Variants in KCNT2 observed in about 807,000 individuals in gnomAD.
The protein encoded by KCNT2 is potassium channel subfamily T member 2.
A neutral mutation model predicts 153.8 loss-of-function variants in KCNT2; 67 were observed. That is an observed-to-expected ratio of 0.44 (90% CI 0.36 to 0.53). The LOEUF is 0.53. KCNT2 is among the 20% of genes least tolerant of loss of function. The probability of loss-of-function intolerance (pLI) is 0.00; values close to 1 mark genes in which losing one functional copy is unlikely to be tolerated. For synonymous variants in KCNT2, 500 were observed against 458.8 expected, an observed-to-expected ratio of 1.09 and a Z score of -1.15; for missense variants, 975 against 1,354.8, an observed-to-expected ratio of 0.72 and a Z score of 4.40.
At chr1:196,279,527 ATTC>A (rs1399086977) in intron 25 of KCNT2, among the ~76,000 whole-genome samples, 1 of 151,730 alleles carries the variant, frequency 6.6e-6, no homozygotes, top group African/African-American at 2.4e-5. Flanking sequence ...GGTTCAAGCA[ATTC>A]TTCTGCCTCA....
rs572733034 is a variant in KCNT2, at chr1:196,557,376, T to C, written c.95+50839A>G. 2.6e-5 allele frequency among the ~76,000 whole-genome samples: 4 copies of C among 151,458 alleles called. No individual in the cohort carries two copies. In the South Asian group the frequency reaches 8.3e-4, roughly 31 times the overall value. On this transcript the variant is annotated intron_variant, in intron 1 of 27. Coordinates refer to ENST00000294725, the MANE Select transcript of KCNT2 (RefSeq NM_198503.5). Reference sequence around the variant, plus strand: ...ACTTTTCTAGAATTCTCATAGTATTTGGATTTTTATCATAATTTTGAATGA... The same window carrying C: ...ACTTTTCTAGAATTCTCATAGTATTCGGATTTTTATCATAATTTTGAATGA...
intron 18 of KCNT2, among the ~76,000 whole-genome samples, chr1:196,327,415 C>T (rs893277053): frequency 6.6e-6 from 1 of 151,786 alleles, no homozygotes; most frequent in South Asian, 2.1e-4. Flanking sequence ...CCCAATAATA[C>T]CAACAAAAAC....
chr1:196,539,777 A>C (rs1656089937), intron 1 of KCNT2, among the ~76,000 whole-genome samples: 1 of 151,876 alleles, frequency 6.6e-6, no homozygotes, highest in African/African-American at 2.4e-5. Context: ...GTAATTCAGC[A>C]AATCTTTTAG....
intron 22 of KCNT2, among the ~76,000 whole-genome samples, chr1:196,288,289 T>A (rs1571917958): frequency 6.6e-6 from 1 of 152,124 alleles, no homozygotes; most frequent in East Asian, 1.9e-4. Context: ...CCAAGATATG[T>A]TTTAAGGTAA....
intron 26 of KCNT2, among the ~76,000 whole-genome samples, chr1:196,256,709 A>AAT (rs144323772): frequency 0.079 from 11,390 of 143,958 alleles, 815 homozygotes; most frequent in African/African-American, 0.19. Context: ...TTATCATGGA[A>AAT]ATATATATAT....
At chr1:196,496,234 C>T (rs878933626) in intron 1 of KCNT2, among the ~76,000 whole-genome samples, 1 of 152,020 alleles carries the variant, frequency 6.6e-6, no homozygotes, top group Non-Finnish European at 1.5e-5. Flanking sequence ...ATTTGGGAGG[C>T]CGAGGCGGGT....
At chr1:196,531,042 A>G (rs887655366) in intron 1 of KCNT2, among the ~76,000 whole-genome samples, 4 of 152,150 alleles carry the variant, frequency 2.6e-5, no homozygotes, top group African/African-American at 9.6e-5. Flanking sequence ...TTTACACAAC[A>G]TAAGTTCTTG....
intron 22 of KCNT2, among the ~76,000 whole-genome samples, chr1:196,286,777 G>A (rs865841895): frequency 1.3e-5 from 2 of 152,104 alleles, no homozygotes; most frequent in Middle Eastern, 6.8e-3. Flanking sequence ...GAAGGTAAGA[G>A]AGCAAATGTC....
At position 196,305,228 on chromosome 1, in the gene KCNT2, T is replaced by C; in HGVS notation, c.2595+6A>G. On this transcript the variant is annotated splice_donor_region_variant and intron_variant, in intron 22 of 27. Transcript: ENST00000294725. ...ATCTAATTTACTTGATAATGTGGGGTCTTACCTTTTCCAGTTTTGAAAGAG... is the reference window on the plus strand; with the variant it reads ...ATCTAATTTACTTGATAATGTGGGGCCTTACCTTTTCCAGTTTTGAAAGAG... 1 of 1,481,886 alleles carries C rather than the reference T, an allele frequency of 6.7e-7. No homozygotes were observed. The highest frequency in any genetic ancestry group is 2.3e-5 in the East Asian group (1 of 44,172). 91.8% of individuals were successfully genotyped at this position (1,481,886 alleles called of 1,614,324 possible).
intron 5 of KCNT2, among the ~76,000 whole-genome samples, chr1:196,471,720 CTCTTA>C: frequency 6.6e-6 from 1 of 152,186 alleles, no homozygotes; most frequent in Admixed American, 6.5e-5. Flanking sequence ...CCTTTTATCT[CTCTTA>C]TGTCTCTCTT....
At chr1:196,306,033 C>A (rs1034616630) in intron 21 of KCNT2, among the ~76,000 whole-genome samples, 30 of 152,086 alleles carry the variant, frequency 2.0e-4, no homozygotes, top group Admixed American at 5.2e-4. Context: ...AGATTTCTTT[C>A]CCCCAGAGAA....
intron 1 of KCNT2, among the ~76,000 whole-genome samples, chr1:196,558,013 T>C (rs1356578047): frequency 6.6e-6 from 1 of 151,504 alleles, no homozygotes; most frequent in African/African-American, 2.4e-5. Context: ...TTCTGTAATA[T>C]TTTATCTCAC....
At chr1:196,325,456 G>C (rs1180532676) in intron 19 of KCNT2, among the ~76,000 whole-genome samples, 1 of 152,086 alleles carries the variant, frequency 6.6e-6, no homozygotes, top group African/African-American at 2.4e-5. Context: ...CACACAGTTA[G>C]GCATCCCTCC....
At chr1:196,441,692 G>T (rs1346340884) in intron 8 of KCNT2, among the ~76,000 whole-genome samples, 1 of 151,630 alleles carries the variant, frequency 6.6e-6, no homozygotes, top group East Asian at 2.0e-4. Flanking sequence ...AATCTTTGTA[G>T]AGTTTTTATA....
chr1:196,521,486 G>T (rs1172431250), intron 1 of KCNT2, among the ~76,000 whole-genome samples: 1 of 152,114 alleles, frequency 6.6e-6, no homozygotes, highest in African/African-American at 2.4e-5. Flanking sequence ...CTACCATGGA[G>T]ATACATGCAC....
chr1:196,457,109 G>T (rs906374178), intron 8 of KCNT2, among the ~76,000 whole-genome samples: 2 of 151,730 alleles, frequency 1.3e-5, no homozygotes, highest in African/African-American at 4.8e-5. Context: ...ACATTATTAT[G>T]TACTTTCTCA....
intron 18 of KCNT2, among the ~76,000 whole-genome samples, chr1:196,329,558 G>A (rs750304615): frequency 1.1e-4 from 17 of 151,618 alleles, no homozygotes; most frequent in Non-Finnish European, 1.5e-4. Flanking sequence ...AAAACCAGAA[G>A]TGAATCCAGG....
At chr1:196,335,356 A>T (rs896675995) in intron 16 of KCNT2, among the ~76,000 whole-genome samples, 1 of 152,138 alleles carries the variant, frequency 6.6e-6, no homozygotes, top group African/African-American at 2.4e-5. Flanking sequence ...TATATGGTAC[A>T]TAGGCTATAT....
At position 196,373,112 on chromosome 1, in the gene KCNT2, G is replaced by A. The variant is rs750532830; in HGVS notation, c.1403+28C>T. ...TTATTGTTTTTTATATAATTTAAAA[G>A]GTTAACTTAAAGAAAAAATATACTT... On this transcript the variant is annotated intron_variant, in intron 14 of 27. Transcript: ENST00000294725. 1.2e-5 allele frequency: 13 copies of A among 1,053,872 alleles called. No homozygotes were observed. In the Admixed American group the frequency reaches 2.4e-4, roughly 20 times the overall value. 65.3% of individuals were successfully genotyped at this position (1,053,872 alleles called of 1,614,324 possible). A position where few individuals can be genotyped will look rare whatever the true frequency, so the allele number is the denominator to read the frequency against.
Sources: gnomAD v4.1 joint callset for allele counts (sites outside exome capture counted in the v4.1 genomes callset) on GRCh38, gnomAD v4.1.1 for gene constraint, MANE v1.5 for transcripts, NCBI Gene and HGNC (gene_info 2026-07-23, HGNC 2026-07-21) for gene names.